The following SNCAIP variants were observed in gnomAD, a reference collection of about 807,000 sequenced individuals.
The protein encoded by SNCAIP is synphilin-1.
Under a neutral mutation model 86.7 loss-of-function variants are expected in SNCAIP, and 43 were observed. The ratio of observed to expected loss-of-function variants is 0.50; its 90% CI spans 0.39 to 0.64. The LOEUF (loss-of-function observed/expected upper bound fraction) is 0.64, where lower values mean the gene tolerates loss of function less well. Among genes scored for constraint, SNCAIP ranks in the 30% least tolerant of loss-of-function variants. The pLI, the probability that SNCAIP is intolerant of heterozygous loss-of-function variation, is 0.00. For missense variants in SNCAIP, 981 were observed against 1,103.1 expected (o/e 0.89, Z 1.57); for synonymous variants, 417 against 427.2 (o/e 0.98, Z 0.29).
Position 122,450,937 on chromosome 5 carries a change from A to G in SNCAIP, c.2090A>G (p.Asp697Gly). The G allele has an allele frequency of 1.2e-6, 2 of 1,614,136 alleles. No homozygotes were observed. Among genetic ancestry groups the G allele is most frequent in the Non-Finnish European group, 1.7e-6 (2 of 1,180,010 alleles). The change falls in exon 10 of 11, where the codon GAC becomes GGC. Residue 697 changes from aspartate (D) to glycine (G), a missense_variant. By Grantham distance (94) the Asp-to-Gly change is moderately conservative (BLOSUM62 -1). Coordinates refer to ENST00000261368, the MANE Select transcript of SNCAIP (RefSeq NM_005460.4). ...DPKTTPVRKA[D>G]RPRPQPIVES... ...AAGACTACCCCAGTGAGGAAGGCTG[A>G]CCGACCAAGGCCGCAGCCCATTGTA...
At chr5:122,462,341 C>A (rs1747648276) in intron 10 of SNCAIP, among the ~76,000 whole-genome samples, 1 of 152,150 alleles carries the variant, frequency 6.6e-6, no homozygotes, top group African/African-American at 2.4e-5. Flanking sequence ...GTTGTATCCT[C>A]TCCTCCCATT....
At chr5:122,350,952 T>G (rs1434847771) in intron 1 of SNCAIP, among the ~76,000 whole-genome samples, 1 of 152,224 alleles carries the variant, frequency 6.6e-6, no homozygotes, top group Non-Finnish European at 1.5e-5. Context: ...TTGCTGATAG[T>G]GTTGAGTGCT....
chr5:122,418,222 G>A (rs1337475120), intron 3 of SNCAIP, among the ~76,000 whole-genome samples: 2 of 152,136 alleles, frequency 1.3e-5, no homozygotes, highest in East Asian at 3.8e-4. Context: ...AGGCAAATTA[G>A]AAAACAAATA....
intron 1 of SNCAIP, among the ~76,000 whole-genome samples, chr5:122,317,017 T>G (rs373632892): frequency 5.3e-5 from 8 of 152,348 alleles, no homozygotes; most frequent in African/African-American, 1.9e-4. Context: ...TAAATGTTAA[T>G]TGAACGAGTG....
chr5:122,341,680 C>G (rs1192175942), intron 1 of SNCAIP, among the ~76,000 whole-genome samples: 1 of 152,180 alleles, frequency 6.6e-6, no homozygotes, highest in African/African-American at 2.4e-5. Flanking sequence ...TCACTGGCCC[C>G]TTCAGTGCCT....
intron 2 of SNCAIP, chr5:122,401,208 C>A: frequency 7.3e-7 from 1 of 1,362,486 alleles, no homozygotes; most frequent in Non-Finnish European, 9.9e-7. Context: ...CCTTCCATTT[C>A]AGCTCCCAGA....
chr5:122,444,780 T>A (rs764271411), intron 8 of SNCAIP, 48 bp downstream of exon 8: 1 of 1,500,646 alleles, frequency 6.7e-7, no homozygotes, highest in Non-Finnish European at 9.3e-7. Context: ...CTCATTATTG[T>A]TGTACTTAGG....
chr5:122,372,060 G>A (rs1032986951), intron 1 of SNCAIP, among the ~76,000 whole-genome samples: 8 of 152,086 alleles, frequency 5.3e-5, no homozygotes, highest in Admixed American at 2.0e-4. Flanking sequence ...CCACAGTAGG[G>A]TTGTGTGGCC....
At chr5:122,434,997 C>T (rs1435893238) in intron 6 of SNCAIP, among the ~76,000 whole-genome samples, 1 of 152,042 alleles carries the variant, frequency 6.6e-6, no homozygotes. Context: ...AAAGAATGGG[C>T]TCCACGTGAC....
chr5:122,325,243 C>A (rs1203067671), intron 1 of SNCAIP, among the ~76,000 whole-genome samples: 1 of 152,158 alleles, frequency 6.6e-6, no homozygotes, highest in Non-Finnish European at 1.5e-5. Flanking sequence ...ATCCAATCAG[C>A]AGGCTCCCTT....
chr5:122,355,355 TATAAG>T (rs1760784746), intron 1 of SNCAIP, among the ~76,000 whole-genome samples: 1 of 152,178 alleles, frequency 6.6e-6, no homozygotes, highest in East Asian at 1.9e-4. Flanking sequence ...AATATGGTAA[TATAAG>T]ATCATGATTT....
chr5:122,432,137 T>C (rs1778536559), intron 6 of SNCAIP, 55 bp downstream of exon 6: 1 of 785,980 alleles, frequency 1.3e-6, no homozygotes, highest in Non-Finnish European at 2.3e-6. Context: ...ATCTTCCTAC[T>C]TTTTTATTAT....
chr5:122,461,694 T>C (rs1306215019), intron 10 of SNCAIP, among the ~76,000 whole-genome samples: 2 of 151,670 alleles, frequency 1.3e-5, no homozygotes, highest in African/African-American at 4.8e-5. Context: ...TCTTTTTCTT[T>C]TTGAGACAGA....
At position 122,339,405 on chromosome 5, in the gene SNCAIP, C is replaced by T. The variant is rs139042774; in HGVS notation, c.-47+27121C>T. On this transcript the variant is annotated intron_variant, in intron 1 of 10. Transcript: ENST00000261368. ...AGAATCTTCAAAATAGAATCAAAACCATCTTTAGATACATTTAAGTTTTCT... is the reference window on the plus strand; with the variant it reads ...AGAATCTTCAAAATAGAATCAAAACTATCTTTAGATACATTTAAGTTTTCT... Among the ~76,000 whole-genome samples the T allele has an allele frequency of 5.5e-4, 84 of 152,270 alleles. 2 individuals carry two copies. The East Asian group carries it at 0.016, about 29-fold the overall frequency.
At chr5:122,413,493 C>A (rs1368496134) in intron 3 of SNCAIP, among the ~76,000 whole-genome samples, 1 of 152,158 alleles carries the variant, frequency 6.6e-6, no homozygotes, top group African/African-American at 2.4e-5. Flanking sequence ...CAGTCCTCTC[C>A]TTATTTCTTC....
chr5:122,451,518 A>G lies in SNCAIP; in HGVS notation c.2671A>G (p.Thr891Ala). 1.2e-6 allele frequency: 2 copies of G among 1,613,882 alleles called. No homozygotes were observed. Among genetic ancestry groups the G allele is most frequent in the Non-Finnish European group, 1.7e-6 (2 of 1,180,016 alleles). The change falls in exon 10 of 11, where the codon ACA becomes GCA. Residue 891 changes from threonine (T) to alanine (A), a missense_variant. By Grantham distance (58) the Thr-to-Ala change is moderately conservative. Transcript: ENST00000261368. ...GGCAGCCAACCAGCTGAAAACCTCTACATTGCCCTTGACCTCACTTGGGAG... is the reference window on the plus strand; with the variant it reads ...GGCAGCCAACCAGCTGAAAACCTCTGCATTGCCCTTGACCTCACTTGGGAG... ...YQAANQLKTSTLPLTSLGRKT... is the reference protein window; with the variant it reads ...YQAANQLKTSALPLTSLGRKT...
At chr5:122,332,660 C>A (rs1755618815) in intron 1 of SNCAIP, among the ~76,000 whole-genome samples, 1 of 152,202 alleles carries the variant, frequency 6.6e-6, no homozygotes, top group East Asian at 1.9e-4. Context: ...AGTATCACCA[C>A]TGAAAGGCAG....
intron 1 of SNCAIP, among the ~76,000 whole-genome samples, chr5:122,358,848 T>G (rs1761643388): frequency 6.6e-6 from 1 of 152,200 alleles, no homozygotes; most frequent in African/African-American, 2.4e-5. Flanking sequence ...GCTTCAGAGC[T>G]AATACCCTTA....
Position 122,432,094 on chromosome 5 carries a change from T to C in SNCAIP, c.1296+12T>C, listed in dbSNP as rs750113472. On this transcript the variant is annotated intron_variant, in intron 6 of 10. Transcript: ENST00000261368. ...GTTGCTATGGCCAGGTATGAAGGAG[T>C]TTTTTAAGTATCTTCCCTTTGTGTA... The C allele has an allele frequency of 2.7e-6, 3 of 1,106,476 alleles. No homozygotes were observed. The highest frequency in any genetic ancestry group is 4.2e-6 in the Non-Finnish European group (3 of 717,268). 68.5% of individuals were successfully genotyped at this position (1,106,476 alleles called of 1,614,324 possible).
Sources: gnomAD v4.1 joint callset for allele counts (sites outside exome capture counted in the v4.1 genomes callset) on GRCh38, gnomAD v4.1.1 for gene constraint, MANE v1.5 for transcripts, NCBI Gene and HGNC (gene_info 2026-07-23, HGNC 2026-07-21) for gene names.